SV2B: variants seen among roughly 807,000 people sequenced by gnomAD.
SV2B encodes synaptic vesicle glycoprotein 2B.
In SV2B, 41 loss-of-function variants were observed where a neutral mutation model predicts 73.9. The ratio of observed to expected loss-of-function variants is 0.56; its 90% confidence interval spans 0.43 to 0.72. The LOEUF (loss-of-function observed/expected upper bound fraction) is 0.72, where lower values mean the gene tolerates loss of function less well. SV2B is among the 30% of genes least tolerant of loss of function. The probability of loss-of-function intolerance (pLI) is 0.00; values close to 1 mark genes in which losing one functional copy is unlikely to be tolerated. For synonymous variants in SV2B, 314 were observed against 314.2 expected (o/e 1.00, Z 0.01); for missense variants, 764 against 857.8 (o/e 0.89, Z 1.37).
At chr15:91,251,276 C>T (rs62026596) in intron 2 of SV2B, among the ~76,000 whole-genome samples, 17,054 of 152,276 alleles carry the variant, frequency 0.11, 1,042 homozygotes, top group Middle Eastern at 0.13. Flanking sequence ...GGACCCTTAT[C>T]TCACACCATA....
chr15:91,208,330 G>A (rs919197437), intron 1 of SV2B, among the ~76,000 whole-genome samples: 1 of 151,938 alleles, frequency 6.6e-6, no homozygotes, highest in East Asian at 1.9e-4. Flanking sequence ...TATATCTCTC[G>A]GGGAATCATT....
rs2042865544 is a variant in SV2B, at chr15:91,137,456, G to A, written c.-392+37093G>A. ...GTTAACAAATCACTAGTGAGTAACT[G>A]TGTGTCAGGCATGAGGTGGAAGACA... On this transcript the variant is annotated intron_variant, in intron 1 of 12. Transcript: ENST00000394232. The surrounding 1 kb of genome is among the most constrained non-coding windows in gnomAD (Gnocchi z 4.9). Among the ~76,000 whole-genome samples the A allele has an allele frequency of 6.6e-6, 1 of 151,672 alleles. No homozygotes were observed. Among genetic ancestry groups the A allele is most frequent in the South Asian group, 2.1e-4 (1 of 4,830 alleles).
intron 1 of SV2B, among the ~76,000 whole-genome samples, chr15:91,186,980 A>C (rs1335250737): frequency 6.6e-6 from 1 of 152,350 alleles, no homozygotes; most frequent in East Asian, 1.9e-4. Flanking sequence ...GAGCCTGTTT[A>C]TCTTTTAAAA....
intron 9 of SV2B, among the ~76,000 whole-genome samples, chr15:91,279,145 A>G (rs2048601342): frequency 6.6e-6 from 1 of 152,218 alleles, no homozygotes; most frequent in African/African-American, 2.4e-5. Flanking sequence ...ACCCAACTGG[A>G]TCACAAGTGT....
intron 9 of SV2B, among the ~76,000 whole-genome samples, chr15:91,274,153 A>G (rs565781172): frequency 1.3e-5 from 2 of 152,292 alleles, no homozygotes; most frequent in East Asian, 3.9e-4. Flanking sequence ...TTTTCTTGCT[A>G]TTACAAATAA....
intron 1 of SV2B, among the ~76,000 whole-genome samples, chr15:91,163,130 A>T (rs1200499054): frequency 6.6e-6 from 1 of 152,202 alleles, no homozygotes; most frequent in African/African-American, 2.4e-5. Context: ...TCCATGGTGT[A>T]TATGTGCCAC....
At chr15:91,163,392 T>C (rs868412736) in intron 1 of SV2B, among the ~76,000 whole-genome samples, 99 of 152,296 alleles carry the variant, frequency 6.5e-4, no homozygotes, top group African/African-American at 2.3e-3. Flanking sequence ...AGTGTAAAAG[T>C]GTTCCTATTT....
At position 91,199,922 on chromosome 15, in the gene SV2B, G is replaced by A. The variant is rs115706678; in HGVS notation, c.-391-25951G>A. Among the ~76,000 whole-genome samples the A allele has an allele frequency of 9.5e-3, 1,451 of 152,302 alleles. 24 individuals are homozygous for A. The highest frequency in any genetic ancestry group is 0.033 in the African/African-American group (1,385 of 41,558). ...CAGCCTGGGGGCTGTGTGAGGCTGG[G>A]CCTGCAGGCTGAGGGTCTTCATATG... On this transcript the variant is annotated intron_variant, in intron 1 of 12. Coordinates refer to ENST00000394232, the MANE Select transcript of SV2B (RefSeq NM_001323032.3).
At chr15:91,104,637 A>G (rs980384463) in intron 1 of SV2B, among the ~76,000 whole-genome samples, 3 of 152,054 alleles carry the variant, frequency 2.0e-5, no homozygotes, top group Admixed American at 6.6e-5. Flanking sequence ...CTGAATATTT[A>G]TTTATTTATT....
rs1421967562 is a variant in SV2B at position 91,251,951 on chromosome 15, T to C, written c.584T>C (p.Val195Ala). 6.2e-7 allele frequency: 1 copy of C among 1,614,028 alleles called. No individual in the cohort carries two copies. The highest frequency in any genetic ancestry group is 8.5e-7 in the Non-Finnish European group (1 of 1,180,032). Residue 195 changes from valine (V) to alanine (A), a missense_variant, in exon 3 of 13, where the codon GTG becomes GCG. Coordinates refer to ENST00000394232, the MANE Select transcript of SV2B (RefSeq NM_001323032.3). ...NASFASLSSF[V>A]QGYGAFLFCR... ...TCCTTCGCCTCCCTCTCTTCCTTCG[T>C]GCAGGGATATGGAGCCTTCCTCTTC...
rs577312079 is a variant in SV2B at position 91,107,421 on chromosome 15, T to A, written c.-392+7058T>A. Among the ~76,000 whole-genome samples the A allele has an allele frequency of 2.6e-5, 4 of 152,032 alleles. No individual in the cohort carries two copies. The South Asian group carries it at 8.3e-4, about 32-fold the overall frequency. ...TCTGCCTCCCGGGTTCAAGCGATTC[T>A]CCTGCCTCAGCCTCCTGAGTAGCTG... is the stretch of plus-strand genomic sequence containing the variant. On this transcript the variant is annotated intron_variant, in intron 1 of 12. Transcript: ENST00000394232.
At chr15:91,166,222 C>A (rs79231204) in intron 1 of SV2B, among the ~76,000 whole-genome samples, 1 of 152,134 alleles carries the variant, frequency 6.6e-6, no homozygotes. Flanking sequence ...TAGCAGTCCA[C>A]TCCCAATGTG....
At position 91,207,046 on chromosome 15, in the gene SV2B, A is replaced by T. The variant is rs931487760; in HGVS notation, c.-391-18827A>T. Among the ~76,000 whole-genome samples the T allele has an allele frequency of 6.6e-5, 10 of 150,462 alleles. No individual in the cohort carries two copies. The East Asian group carries it at 9.8e-4, about 15-fold the overall frequency. The stretch of plus-strand genomic sequence containing the variant: ...ATTGTGAGCAATTTCCTTTAAAAAA[A>T]TTTTTTTTTTGAGTCACCCAGGCTG... On this transcript the variant is annotated intron_variant, in intron 1 of 12. Coordinates refer to ENST00000394232, the MANE Select transcript of SV2B (RefSeq NM_001323032.3).
Position 91,208,311 on chromosome 15 carries a change from C to CT in SV2B, c.-391-17556dup, listed in dbSNP as rs139137676. Among the ~76,000 whole-genome samples, 1,178 of 151,814 alleles carry CT rather than the reference C, an allele frequency of 7.8e-3. 14 individuals are homozygous for CT. The highest frequency in any genetic ancestry group is 0.027 in the African/African-American group (1,125 of 41,182). Reference sequence around the variant, plus strand: ...ATGCACAACAGCTTGCAGATAACCTCTTTTTTCTTATATCTCTCGGGGAAT... The same window carrying CT: ...ATGCACAACAGCTTGCAGATAACCTCTTTTTTTCTTATATCTCTCGGGGAAT... On this transcript the variant is annotated intron_variant, in intron 1 of 12. Transcript: ENST00000394232.
At position 91,253,634 on chromosome 15, in the gene SV2B, T is replaced by A. The variant is rs2047573903; in HGVS notation, c.784+1114T>A. 6.6e-6 allele frequency among the ~76,000 whole-genome samples: 1 copy of A among 152,212 alleles called. No homozygotes were observed. Among genetic ancestry groups the A allele is most frequent in the Non-Finnish European group, 1.5e-5 (1 of 68,044 alleles). On this transcript the variant is annotated intron_variant, in intron 4 of 12. Coordinates refer to ENST00000394232, the MANE Select transcript of SV2B (RefSeq NM_001323032.3). This position sits in a 1 kb window ranked among gnomAD's most constrained non-coding sequence, Gnocchi z 5.0. Reference sequence around the variant, plus strand: ...CTCCGCTCCATCAGTAATTCTGGAGTTTAGACTCCTTCCATTGTGTCATTC... The same window carrying A: ...CTCCGCTCCATCAGTAATTCTGGAGATTAGACTCCTTCCATTGTGTCATTC...
At chr15:91,155,917 A>G (rs1266749335) in intron 1 of SV2B, among the ~76,000 whole-genome samples, 1 of 152,054 alleles carries the variant, frequency 6.6e-6, no homozygotes, top group Non-Finnish European at 1.5e-5. Context: ...GCCACTCTGT[A>G]GACTTACATT....
Position 91,245,623 on chromosome 15 carries a change from G to A in SV2B, c.452-6196G>A, listed in dbSNP as rs2047191824. ...GAGTACCTACTATGTGTACATCTCT[G>A]TGCTAGAGACACAGTGTCGAACTCT... is the stretch of plus-strand genomic sequence containing the variant. On this transcript the variant is annotated intron_variant, in intron 2 of 12. Coordinates refer to ENST00000394232, the MANE Select transcript of SV2B (RefSeq NM_001323032.3). This position sits in a 1 kb window ranked among gnomAD's most constrained non-coding sequence, Gnocchi z 4.2. Among the ~76,000 whole-genome samples, 1 of 152,118 alleles carries A rather than the reference G, an allele frequency of 6.6e-6. No homozygotes were observed. The highest frequency in any genetic ancestry group is 1.5e-5 in the Non-Finnish European group (1 of 68,008).
chr15:91,210,850 C>G (rs1000710860), intron 1 of SV2B, among the ~76,000 whole-genome samples: 1 of 152,202 alleles, frequency 6.6e-6, no homozygotes, highest in East Asian at 1.9e-4. Flanking sequence ...AGAAAGTCTA[C>G]TGTTCTTAGG....
rs888713202 is a variant in SV2B at position 91,224,284 on chromosome 15, TG to T, written c.-391-1585del. Among the ~76,000 whole-genome samples, 20 of 152,286 alleles carry T rather than the reference TG, an allele frequency of 1.3e-4. No homozygotes were observed. Among genetic ancestry groups the T allele is most frequent in the African/African-American group, 4.6e-4 (19 of 41,554 alleles). On this transcript the variant is annotated intron_variant, in intron 1 of 12. Coordinates refer to ENST00000394232, the MANE Select transcript of SV2B (RefSeq NM_001323032.3). This position sits in a 1 kb window ranked among gnomAD's most constrained non-coding sequence, Gnocchi z 4.9. ...TGACAGGGAGGCCTGTAAAGGTTGA[TG>T]GGGTCTGTACTGTGGGCAGGTGGTT... is the stretch of plus-strand genomic sequence containing the variant.
Sources: allele counts gnomAD v4.1 joint callset (sites outside exome capture counted in the v4.1 genomes callset), GRCh38; gene constraint gnomAD v4.1.1; non-coding constraint Gnocchi (gnomAD v3.1); transcripts MANE v1.5; gene names NCBI Gene and HGNC (gene_info 2026-07-23, HGNC 2026-07-21).